ATM: variants seen among roughly 807,000 people sequenced by gnomAD.
The protein encoded by ATM is ATM serine/threonine kinase, also known as serine-protein kinase ATM.
A neutral mutation model predicts 387.0 loss-of-function variants in ATM; 308 were observed. The ratio of observed to expected loss-of-function variants is 0.80; its 90% CI spans 0.73 to 0.87. The LOEUF is 0.87. ATM is among the 40% of genes least tolerant of loss of function. ATM has a pLI of 0.00. For missense variants in ATM, 3,312 were observed against 3,560.9 expected (o/e 0.93, Z 1.78); for synonymous variants, 1,156 against 1,187.3 (o/e 0.97, Z 0.54).
At chr11:108,336,121 A>AC (rs768943828) in intron 56 of ATM, 160 bp downstream of exon 56, 148 of 575,396 alleles carry the variant, frequency 2.6e-4, no homozygotes, top group Non-Finnish European at 3.6e-4. Context: ...ACATAGTGAG[A>AC]CCCCATCTTG....
rs1591107853 is a variant in ATM, at chr11:108,321,418, A to G, written c.6570A>G (p.Ser2190=). The G allele has an allele frequency of 6.2e-7, 1 of 1,614,062 alleles. No homozygotes were observed. The highest frequency in any genetic ancestry group is 2.2e-5 in the East Asian group (1 of 44,868). Residue 2190 remains serine (S), a splice_region_variant and synonymous_variant, in exon 45 of 63, where the codon TCA becomes TCG. Coordinates refer to ENST00000675843, the MANE Select transcript of ATM (RefSeq NM_000051.4). ...TGGAAAGCATTGGGGAGCTTTTCTC[A>G]AGGTATGTAATTCGTATGACTTTGT... ...GELESIGELF[S]RSVTHRQLSE...
At chr11:108,243,645 T>A (rs1441633977) in intron 5 of ATM, among the ~76,000 whole-genome samples, 1 of 152,138 alleles carries the variant, frequency 6.6e-6, no homozygotes, top group Non-Finnish European at 1.5e-5. Context: ...CCATGGAGCA[T>A]GTACTGTAAG....
intron 8 of ATM, 90 bp downstream of exon 8, chr11:108,247,217 C>T (rs1257262670): frequency 7.9e-7 from 1 of 1,266,968 alleles, no homozygotes; most frequent in Non-Finnish European, 1.1e-6. Flanking sequence ...CCTGTGTTCT[C>T]ACAAAAAGCC....
chr11:108,274,901 C>T (rs1041035064), intron 22 of ATM, among the ~76,000 whole-genome samples: 16 of 151,998 alleles, frequency 1.1e-4, no homozygotes, highest in African/African-American at 3.4e-4. Flanking sequence ...GTCCAGAGTT[C>T]GGTTCAAGTC....
chr11:108,254,162 G>GT (rs1478622877), intron 13 of ATM, 123 bp downstream of exon 13: 3 of 905,210 alleles, frequency 3.3e-6, no homozygotes, highest in Non-Finnish European at 5.1e-6. Context: ...TAAAAGCAAA[G>GT]TGGCAGTAAA....
At chr11:108,351,868 C>T (rs977541558) in intron 59 of ATM, among the ~76,000 whole-genome samples, 1 of 152,166 alleles carries the variant, frequency 6.6e-6, no homozygotes, top group Non-Finnish European at 1.5e-5. Context: ...TATTTTCTAA[C>T]CTTTTTTTCC....
intron 20 of ATM, among the ~76,000 whole-genome samples, chr11:108,272,247 C>G (rs1276958093): frequency 1.3e-5 from 2 of 152,176 alleles, no homozygotes; most frequent in Non-Finnish European, 2.9e-5. Flanking sequence ...AAATTTCTTT[C>G]TAAAGTAAGT....
rs946705893 is a variant in ATM at position 108,292,566 on chromosome 11, G to A, written c.4437-53G>A. Reference sequence around the variant, plus strand: ...GACTTCTGAATGAATTTATTTCAGAGTAATTTTCCAGAACTTACTGGTTGT... The same window carrying A: ...GACTTCTGAATGAATTTATTTCAGAATAATTTTCCAGAACTTACTGGTTGT... On this transcript the variant is annotated intron_variant, in intron 29 of 62. Transcript: ENST00000675843. The A allele has an allele frequency of 8.7e-5, 137 of 1,576,864 alleles. 1 individual carries two copies. The Admixed American group carries it at 2.3e-3, about 26-fold the overall frequency.
intron 56 of ATM, 139 bp from the exon 57 acceptor site, chr11:108,343,083 G>A: frequency 9.4e-7 from 1 of 1,069,176 alleles, no homozygotes; most frequent in East Asian, 2.4e-5. Context: ...TTCCTCCAAG[G>A]AGCTTTGTCT....
chr11:108,273,367 G>T (rs2081730393), intron 22 of ATM, among the ~76,000 whole-genome samples: 7 of 100,834 alleles, frequency 6.9e-5, no homozygotes, highest in African/African-American at 2.0e-4. Context: ...TTGAGATGGA[G>T]TTTCGCTCAT....
rs1555082186 is a variant in ATM at position 108,267,240 on chromosome 11, C to A, written c.2536C>A (p.Leu846Ile). 6.2e-7 allele frequency: 1 copy of A among 1,614,112 alleles called. No homozygotes were observed. The highest frequency in any genetic ancestry group is 8.5e-7 in the Non-Finnish European group (1 of 1,179,966). Residue 846 changes from leucine to isoleucine, a missense_variant, in exon 17 of 63, where the codon CTA (leucine) becomes ATA (isoleucine). Physicochemically the swap from Leu to Ile is conservative, Grantham distance 5. Coordinates refer to ENST00000675843, the MANE Select transcript of ATM (RefSeq NM_000051.4). ...AATGGAAGATGATACTAATGGAAAT[C>A]TAATGGAGGTGGAGGATCAGTCATC... is the stretch of plus-strand genomic sequence containing the variant. ...ESMEDDTNGNLMEVEDQSSMN... is the reference protein window; with the variant it reads ...ESMEDDTNGNIMEVEDQSSMN...
At chr11:108,232,704 T>C (rs1285608276) in intron 4 of ATM, among the ~76,000 whole-genome samples, 3 of 151,814 alleles carry the variant, frequency 2.0e-5, no homozygotes, top group Admixed American at 1.3e-4. Flanking sequence ...CAGGCCCGGT[T>C]AATTTTTGTA....
At chr11:108,314,644 T>C (rs2084462792) in intron 40 of ATM, among the ~76,000 whole-genome samples, 1 of 152,150 alleles carries the variant, frequency 6.6e-6, no homozygotes, top group Admixed American at 6.5e-5. Flanking sequence ...TTAGAGGTGC[T>C]AACCCCCTGT....
chr11:108,338,076 T>C (rs1283441812), intron 56 of ATM, among the ~76,000 whole-genome samples: 1 of 152,252 alleles, frequency 6.6e-6, no homozygotes, highest in Non-Finnish European at 1.5e-5. Context: ...TAGCCGGGCA[T>C]GGTGGCCCAC....
chr11:108,325,187 G>A, intron 45 of ATM, 123 bp from the exon 46 acceptor site: 2 of 674,096 alleles, frequency 3.0e-6, no homozygotes, highest in Non-Finnish European at 4.9e-6. Flanking sequence ...TTCTAGTCTT[G>A]TCACTACAAA....
chr11:108,284,128 T>C (rs2082364961), intron 25 of ATM, 99 bp from the exon 26 acceptor site: 1 of 901,112 alleles, frequency 1.1e-6, no homozygotes. Context: ...TATGATACTT[T>C]AATGCTGATG....
intron 5 of ATM, among the ~76,000 whole-genome samples, chr11:108,243,393 A>G (rs2079663305): frequency 6.6e-6 from 1 of 152,134 alleles, no homozygotes; most frequent in African/African-American, 2.4e-5. Flanking sequence ...TGGGTAGATC[A>G]CTTGAGGCCA....
intron 13 of ATM, among the ~76,000 whole-genome samples, chr11:108,255,519 G>T (rs1407724723): frequency 6.7e-6 from 1 of 150,348 alleles, no homozygotes; most frequent in East Asian, 2.0e-4. Flanking sequence ...TTCGCCTCCT[G>T]GGTTCAAGCA....
At chr11:108,289,502 TG>T in intron 28 of ATM, 99 bp from the exon 29 acceptor site, 1 of 863,192 alleles carries the variant, frequency 1.2e-6, no homozygotes, top group Non-Finnish European at 1.7e-6. Flanking sequence ...AAATATAAAA[TG>T]TGTAGGTATT....
Sources: allele counts gnomAD v4.1 joint callset (sites outside exome capture counted in the v4.1 genomes callset), GRCh38; gene constraint gnomAD v4.1.1; transcripts MANE v1.5; gene names NCBI Gene and HGNC (gene_info 2026-07-23, HGNC 2026-07-21).